STXBP4: variants seen among roughly 807,000 people sequenced by gnomAD.
STXBP4 encodes the protein syntaxin-binding protein 4.
A neutral mutation model predicts 76.1 loss-of-function variants in STXBP4; 55 were observed. The ratio of observed to expected loss-of-function variants is 0.72; its 90% CI spans 0.58 to 0.91. The LOEUF (loss-of-function observed/expected upper bound fraction) is 0.91. Among genes scored for constraint, STXBP4 ranks in the 40% least tolerant of loss-of-function variants. The pLI is 0.00. For synonymous variants in STXBP4, 201 were observed against 220.2 expected (o/e 0.91, Z 0.77); for missense variants, 618 against 636.9 (o/e 0.97, Z 0.32).
At chr17:55,097,680 C>A (rs2079509578) in intron 16 of STXBP4, among the ~76,000 whole-genome samples, 1 of 152,038 alleles carries the variant, frequency 6.6e-6, no homozygotes, top group South Asian at 2.1e-4. Flanking sequence ...AAAAAATTGC[C>A]TGTAGTTTTT....
chr17:55,085,943 G>A (rs8077393), intron 16 of STXBP4, among the ~76,000 whole-genome samples: 11 of 152,110 alleles, frequency 7.2e-5, no homozygotes, highest in African/African-American at 2.2e-4. Flanking sequence ...ATAATCACTC[G>A]TAATGTGTTA....
intron 16 of STXBP4, among the ~76,000 whole-genome samples, chr17:55,134,658 T>C (rs1366217737): frequency 1.3e-5 from 2 of 152,126 alleles, no homozygotes; most frequent in African/African-American, 4.8e-5. Context: ...TAACCAAAGA[T>C]TGTTGGCAGG....
At chr17:55,085,614 TGAGAAAGA>T (rs2079315864) in intron 16 of STXBP4, among the ~76,000 whole-genome samples, 1 of 151,876 alleles carries the variant, frequency 6.6e-6, no homozygotes, top group African/African-American at 2.4e-5. Flanking sequence ...GAAAAAAGAA[TGAGAAAGA>T]GAGAAAGAAA....
the STXBP4 span, among the ~76,000 whole-genome samples, chr17:55,188,243 A>G: frequency 2.0e-5 from 3 of 152,224 alleles, no homozygotes; most frequent in African/African-American, 7.2e-5. Flanking sequence ...ATTAATGAAG[A>G]CCTGCACTAA....
intron 13 of STXBP4, among the ~76,000 whole-genome samples, chr17:55,077,867 C>T (rs2079203678): frequency 1.3e-5 from 2 of 152,060 alleles, no homozygotes; most frequent in African/African-American, 4.8e-5. Context: ...AACTCATATA[C>T]AACTTATCTC....
At chr17:55,028,513 G>A (rs1359872356) in intron 8 of STXBP4, among the ~76,000 whole-genome samples, 1 of 152,058 alleles carries the variant, frequency 6.6e-6, no homozygotes, top group African/African-American at 2.4e-5. Context: ...TGTTAATATG[G>A]CAATTGTCTT....
At chr17:55,196,550 G>T in the STXBP4 span, among the ~76,000 whole-genome samples, 1 of 152,092 alleles carries the variant, frequency 6.6e-6, no homozygotes, top group South Asian at 2.1e-4. Flanking sequence ...AATTGATCAC[G>T]TATTCTTCTG....
At chr17:55,134,937 T>G (rs892737943) in intron 16 of STXBP4, among the ~76,000 whole-genome samples, 33 of 87,146 alleles carry the variant, frequency 3.8e-4, no homozygotes, top group Non-Finnish European at 7.2e-4. Flanking sequence ...GGGATCAGAG[T>G]TAGAATGTAA....
intron 1 of STXBP4, among the ~76,000 whole-genome samples, chr17:54,971,470 C>A (rs1012868214): frequency 2.0e-5 from 3 of 152,156 alleles, no homozygotes; most frequent in Non-Finnish European, 4.4e-5. Flanking sequence ...GCTCTTATGT[C>A]TCTTATAAGG....
chr17:55,204,958 C>T, the STXBP4 span, among the ~76,000 whole-genome samples: 1 of 152,044 alleles, frequency 6.6e-6, no homozygotes, highest in African/African-American at 2.4e-5. Flanking sequence ...TGAATAACTA[C>T]CAAACATACT....
At chr17:55,045,814 G>A (rs2078778011) in intron 11 of STXBP4, among the ~76,000 whole-genome samples, 2 of 152,008 alleles carry the variant, frequency 1.3e-5, no homozygotes, top group African/African-American at 4.8e-5. Flanking sequence ...AGTTAAAGAA[G>A]CCATATAAAG....
chr17:55,013,347 G>A (rs1277670123), intron 8 of STXBP4, among the ~76,000 whole-genome samples: 1 of 152,190 alleles, frequency 6.6e-6, no homozygotes, highest in Non-Finnish European at 1.5e-5. Context: ...AGCCACTTTT[G>A]CTTCAGGTAT....
chr17:55,086,323 CATAAT>C (rs1490168363), intron 16 of STXBP4, among the ~76,000 whole-genome samples: 2 of 152,088 alleles, frequency 1.3e-5, no homozygotes, highest in Non-Finnish European at 2.9e-5. Flanking sequence ...TTTTGATACA[CATAAT>C]ATACAATAGT....
At chr17:55,105,914 C>T (rs767976866) in intron 16 of STXBP4, among the ~76,000 whole-genome samples, 7 of 152,076 alleles carry the variant, frequency 4.6e-5, no homozygotes, top group South Asian at 4.2e-4. Context: ...AATGTGTTGC[C>T]GAGAATAATG....
At chr17:55,192,594 G>A in the STXBP4 span, among the ~76,000 whole-genome samples, 3 of 151,910 alleles carry the variant, frequency 2.0e-5, no homozygotes, top group African/African-American at 7.3e-5. Context: ...ACCTGAAGAG[G>A]GGAGAAATCA....
At chr17:55,153,217 G>T (rs1467415078) in intron 17 of STXBP4, among the ~76,000 whole-genome samples, 5 of 152,186 alleles carry the variant, frequency 3.3e-5, no homozygotes, top group African/African-American at 9.7e-5. Context: ...ACAAGTCTAA[G>T]TTGGCACTAT....
chr17:55,151,548 A>C (rs2080217659), intron 17 of STXBP4, among the ~76,000 whole-genome samples: 1 of 152,156 alleles, frequency 6.6e-6, no homozygotes, highest in South Asian at 2.1e-4. Flanking sequence ...TTAAGCAGGT[A>C]CCTCTGTGAA....
intron 16 of STXBP4, among the ~76,000 whole-genome samples, chr17:55,113,634 T>TA (rs528263126): frequency 4.0e-5 from 6 of 151,252 alleles, no homozygotes; most frequent in Admixed American, 6.6e-5. Context: ...TCTGCTGATA[T>TA]AAAAAAAAAG....
chr17:55,126,011 G>A (rs74361637), intron 16 of STXBP4, among the ~76,000 whole-genome samples: 3,117 of 152,202 alleles, frequency 0.02, 74 homozygotes, highest in African/African-American at 0.056. Flanking sequence ...CCAGCAAAGG[G>A]GAATGGGGAG....
Sources: allele counts gnomAD v4.1 joint callset (sites outside exome capture counted in the v4.1 genomes callset), GRCh38; gene constraint gnomAD v4.1.1; transcripts MANE v1.5; gene names NCBI Gene and HGNC (gene_info 2026-07-23, HGNC 2026-07-21).